Variants in SKIC3 observed in about 807,000 individuals in gnomAD.
SKIC3 encodes superkiller complex protein 3.
the SKIC3 span, among the ~76,000 whole-genome samples, chr5:95,509,934 C>A: frequency 6.6e-6 from 1 of 151,578 alleles, no homozygotes; most frequent in African/African-American, 2.4e-5. Context: ...CATTTTATGC[C>A]CAAAGGTATA....
chr5:95,540,570 G>A, the SKIC3 span: 1 of 1,304,012 alleles, frequency 7.7e-7, no homozygotes, highest in Non-Finnish European at 1.1e-6. Context: ...ATGAAAAGAT[G>A]TTCAACATTA....
At chr5:95,487,174 G>T in the SKIC3 span, among the ~76,000 whole-genome samples, 1 of 152,122 alleles carries the variant, frequency 6.6e-6, no homozygotes, top group African/African-American at 2.4e-5. Flanking sequence ...GATGCTTCCT[G>T]CCCTCAAACA....
chr5:95,489,628 T>C, the SKIC3 span, among the ~76,000 whole-genome samples: 3 of 133,880 alleles, frequency 2.2e-5, no homozygotes, highest in South Asian at 2.4e-4. Flanking sequence ...CACAGAAAAA[T>C]AGTTGGACAA....
At chr5:95,512,378 A>T in the SKIC3 span, 2 of 1,394,782 alleles carry the variant, frequency 1.4e-6, no homozygotes, top group Non-Finnish European at 2.0e-6. Context: ...TGTCTTAAAG[A>T]ATACCAATAT....
At chr5:95,481,465 T>C in the SKIC3 span, among the ~76,000 whole-genome samples, 1 of 152,166 alleles carries the variant, frequency 6.6e-6, no homozygotes, top group Non-Finnish European at 1.5e-5. Flanking sequence ...CTTCTGTAAA[T>C]TGCCCAGTCT....
At chr5:95,514,802 G>A in the SKIC3 span, 1 of 1,565,794 alleles carries the variant, frequency 6.4e-7, no homozygotes, top group Non-Finnish European at 8.8e-7. Flanking sequence ...ATGCATATTA[G>A]TCAGTTATTG....
chr5:95,495,983 C>T, the SKIC3 span, among the ~76,000 whole-genome samples: 7 of 151,008 alleles, frequency 4.6e-5, no homozygotes, highest in East Asian at 5.8e-4. Context: ...GCAAGGAAGC[C>T]GCTTCTGCCA....
chr5:95,544,004 G>A, the SKIC3 span, among the ~76,000 whole-genome samples: 1 of 152,186 alleles, frequency 6.6e-6, no homozygotes, highest in Non-Finnish European at 1.5e-5. Context: ...AATGAAATTA[G>A]CCTCTTAAGG....
At chr5:95,521,887 T>G in the SKIC3 span, among the ~76,000 whole-genome samples, 23 of 152,258 alleles carry the variant, frequency 1.5e-4, no homozygotes, top group South Asian at 1.0e-3. Context: ...TTTGATCTTT[T>G]TATATTCAAA....
chr5:95,541,343 G>A, the SKIC3 span: 52 of 1,613,564 alleles, frequency 3.2e-5, no homozygotes, highest in African/African-American at 5.2e-4. Context: ...AGATCCACAA[G>A]TTTCTTGCAG....
At chr5:95,502,561 C>T in the SKIC3 span, among the ~76,000 whole-genome samples, 18 of 152,030 alleles carry the variant, frequency 1.2e-4, no homozygotes, top group Non-Finnish European at 2.5e-4. Context: ...TCCAAGAAGC[C>T]AAAAGACAAG....
the SKIC3 span, among the ~76,000 whole-genome samples, chr5:95,524,803 T>C: frequency 6.6e-6 from 1 of 152,200 alleles, no homozygotes; most frequent in Non-Finnish European, 1.5e-5. Context: ...ACAGTGGCCT[T>C]TTAGCACTAC....
At chr5:95,487,540 C>T in the SKIC3 span, among the ~76,000 whole-genome samples, 1 of 152,178 alleles carries the variant, frequency 6.6e-6, no homozygotes, top group Admixed American at 6.5e-5. Flanking sequence ...CTTCACCAAG[C>T]CTCCACTAAC....
chr5:95,490,908 T>A, the SKIC3 span: 1 of 1,614,004 alleles, frequency 6.2e-7, no homozygotes, highest in Non-Finnish European at 8.5e-7. Context: ...AAAAACTTAC[T>A]TGAAGCAGAA....
the SKIC3 span, among the ~76,000 whole-genome samples, chr5:95,534,381 C>A: frequency 7.9e-5 from 12 of 152,098 alleles, no homozygotes; most frequent in African/African-American, 2.9e-4. Context: ...TTCTCCCACC[C>A]CTCTAAAAGC....
At chr5:95,540,922 G>C in the SKIC3 span, 2 of 1,249,010 alleles carry the variant, frequency 1.6e-6, no homozygotes, top group South Asian at 2.6e-5. Context: ...TTTTTAATTT[G>C]TTAATATATA....
chr5:95,523,859 C>T, the SKIC3 span: 2 of 1,604,700 alleles, frequency 1.2e-6, no homozygotes, highest in South Asian at 1.1e-5. Context: ...TTGATAATAA[C>T]AGAACATTAA....
At chr5:95,522,114 C>T in the SKIC3 span, 1 of 1,613,770 alleles carries the variant, frequency 6.2e-7, no homozygotes, top group Non-Finnish European at 8.5e-7. Context: ...TGAGCTACAG[C>T]CTCCTTATAT....
At chr5:95,534,819 C>T in the SKIC3 span, among the ~76,000 whole-genome samples, 6 of 152,106 alleles carry the variant, frequency 3.9e-5, no homozygotes, top group Admixed American at 2.0e-4. Context: ...TCATTTTCAC[C>T]TACATGCAAA....
Sources: allele counts gnomAD v4.1 joint callset (sites outside exome capture counted in the v4.1 genomes callset), GRCh38; gene constraint gnomAD v4.1.1; transcripts MANE v1.5; gene names NCBI Gene and HGNC (gene_info 2026-07-23, HGNC 2026-07-21).